Variants in ONECUT2 observed in about 807,000 individuals in gnomAD.
ONECUT2 encodes the protein one cut homeobox 2.
A neutral mutation model predicts 27.9 loss-of-function variants in ONECUT2; 10 were observed. The ratio of observed to expected loss-of-function variants is 0.36; its 90% CI spans 0.22 to 0.61. The LOEUF (loss-of-function observed/expected upper bound fraction) is 0.61. ONECUT2 is among the 20% of genes least tolerant of loss of function. The pLI, the probability that ONECUT2 is intolerant of heterozygous loss-of-function variation, is 0.73. For synonymous variants in ONECUT2, 334 were observed against 315.1 expected (o/e 1.06, Z -0.64); for missense variants, 686 against 721.0 (o/e 0.95, Z 0.56).
chr18:57,467,183 C>G, intron 1 of ONECUT2: 1 of 456,524 alleles, frequency 2.2e-6, no homozygotes, highest in Non-Finnish European at 4.4e-6. Flanking sequence ...AGCTTGGGAA[C>G]ACAGAATGGT....
intron 1 of ONECUT2, among the ~76,000 whole-genome samples, chr18:57,460,972 C>T (rs2050288038): frequency 6.6e-6 from 1 of 152,220 alleles, no homozygotes; most frequent in Admixed American, 6.5e-5. Context: ...CGTGAGCCAC[C>T]ACGCCTGGAC....
intron 1 of ONECUT2, among the ~76,000 whole-genome samples, chr18:57,451,818 G>A (rs2050231906): frequency 6.6e-6 from 1 of 152,272 alleles, no homozygotes; most frequent in Admixed American, 6.5e-5. Context: ...AAAGCAAGAG[G>A]TGAAAGCAAG....
At position 57,436,513 on chromosome 18, in the gene ONECUT2, A is replaced by G. The variant is rs745904876; in HGVS notation, c.797A>G (p.His266Arg). ...KMLSPNFDAH[H>R]TAMLTRGEQH... Reference sequence around the variant, plus strand: ...CTCAGCCCCAACTTCGACGCGCACCACACTGCCATGCTGACCCGCGGTGAG... The same window carrying G: ...CTCAGCCCCAACTTCGACGCGCACCGCACTGCCATGCTGACCCGCGGTGAG... Residue 266 changes from histidine (H) to arginine (R), a missense_variant, in exon 1 of 2, where the codon CAC (histidine) becomes CGC (arginine). Around this residue, in one of 4 missense-constraint regions of ONECUT2, gnomAD observed 511 missense variants for 488.1 expected, o/e 1.05. Coordinates refer to ENST00000491143, the MANE Select transcript of ONECUT2 (RefSeq NM_004852.3). This position sits in a 1 kb window ranked among gnomAD's most constrained non-coding sequence, Gnocchi z 5.9. 6.2e-7 allele frequency: 1 copy of G among 1,613,056 alleles called. No individual in the cohort carries two copies. Among genetic ancestry groups the G allele is most frequent in the Non-Finnish European group, 8.5e-7 (1 of 1,179,904 alleles).
At position 57,476,853 on chromosome 18, in the gene ONECUT2, T is replaced by G. The variant is rs1272365686; in HGVS notation, c.*130T>G. On this transcript the variant is annotated 3_prime_UTR_variant, in exon 2 of 2. Transcript: ENST00000491143. ...TGGTGATTTGAAAGCACAATTCTCT[T>G]GCAAAGAAACTTATATTCTAGCTGT... 9 of 1,045,982 alleles carry G rather than the reference T, an allele frequency of 8.6e-6. No homozygotes were observed. Among genetic ancestry groups the G allele is most frequent in the Admixed American group, 2.8e-5 (1 of 35,420 alleles). 64.8% of individuals were successfully genotyped at this position (1,045,982 alleles called of 1,614,324 possible). A position where few individuals can be genotyped will look rare whatever the true frequency, so the allele number is the denominator to read the frequency against.
chr18:57,444,003 G>C (rs1481817780), intron 1 of ONECUT2, among the ~76,000 whole-genome samples: 1 of 152,136 alleles, frequency 6.6e-6, no homozygotes. Flanking sequence ...TCTCCTGCAA[G>C]AAGAAAAATA....
At chr18:57,475,421 C>A (rs1011266286) in intron 1 of ONECUT2, among the ~76,000 whole-genome samples, 12 of 152,122 alleles carry the variant, frequency 7.9e-5, no homozygotes, top group Admixed American at 6.5e-5. Context: ...TGTATTTAAC[C>A]TTTACAGGTC....
At chr18:57,443,577 A>G (rs926126928) in intron 1 of ONECUT2, among the ~76,000 whole-genome samples, 3 of 152,260 alleles carry the variant, frequency 2.0e-5, no homozygotes, top group South Asian at 4.1e-4. Flanking sequence ...TTTGGGGGAA[A>G]GGCTTTTTGA....
rs372684829 is a variant in ONECUT2, at chr18:57,442,146, G to A, written c.1228+5202G>A. 2.7e-3 allele frequency among the ~76,000 whole-genome samples: 414 copies of A among 152,110 alleles called. 5 individuals are homozygous for A. Among genetic ancestry groups the A allele is most frequent in the African/African-American group, 9.2e-3 (383 of 41,460 alleles). On this transcript the variant is annotated intron_variant, in intron 1 of 1. Coordinates refer to ENST00000491143, the MANE Select transcript of ONECUT2 (RefSeq NM_004852.3). ...CAACCACTCCCCTGGCCAAATGGTG[G>A]CTTGTTTTTCCAGAAGGAGCACTAA... is the stretch of plus-strand genomic sequence containing the variant.
chr18:57,474,019 G>A (rs2050368332), intron 1 of ONECUT2, among the ~76,000 whole-genome samples: 1 of 152,168 alleles, frequency 6.6e-6, no homozygotes, highest in Non-Finnish European at 1.5e-5. Flanking sequence ...AAAGCCAAAA[G>A]GCCCCAAAAG....
chr18:57,444,609 C>G (rs1170723694), intron 1 of ONECUT2, among the ~76,000 whole-genome samples: 3 of 152,250 alleles, frequency 2.0e-5, no homozygotes, highest in Non-Finnish European at 4.4e-5. Flanking sequence ...GCTAGGGAAT[C>G]TGTTGTAAAC....
intron 1 of ONECUT2, among the ~76,000 whole-genome samples, chr18:57,472,509 T>A (rs1259034484): frequency 6.6e-6 from 1 of 152,216 alleles, no homozygotes; most frequent in South Asian, 2.1e-4. Flanking sequence ...ATGGACATAC[T>A]GCCTCATTAT....
chr18:57,447,685 C>T (rs1300932468), intron 1 of ONECUT2, among the ~76,000 whole-genome samples: 2 of 152,160 alleles, frequency 1.3e-5, no homozygotes, highest in Non-Finnish European at 2.9e-5. Flanking sequence ...TGCCCCCACG[C>T]CCCACCCCCC....
rs977911404 is a variant in ONECUT2, at chr18:57,485,954, A to G, written c.*9231A>G. The G allele has an allele frequency of 6.6e-6, 1 of 152,382 alleles. No individual in the cohort carries two copies. Among genetic ancestry groups the G allele is most frequent in the Non-Finnish European group, 1.5e-5 (1 of 68,032 alleles). The allele number at this position is 152,382 out of a possible 1,614,324, so 9.4% of individuals were successfully genotyped here. ...GCTTTGGTTTTCTTCCTAAATTCCT[A>G]TTGGAATTAGAACTCTCAGAATCCC... is the stretch of plus-strand genomic sequence containing the variant. On this transcript the variant is annotated 3_prime_UTR_variant, in exon 2 of 2. Transcript: ENST00000491143.
At position 57,435,539 on chromosome 18, in the gene ONECUT2, CCCCGCCCCCACCCCGGGCGAG is replaced by C. The variant is rs1222664764; in HGVS notation, c.-170_-150del. The C allele has an allele frequency of 2.0e-5, 3 of 148,130 alleles. No individual in the cohort carries two copies. Among genetic ancestry groups the C allele is most frequent in the African/African-American group, 7.6e-5 (3 of 39,614 alleles). The allele number at this position is 148,130 out of a possible 1,614,324, so 9.2% of individuals were successfully genotyped here. On this transcript the variant is annotated 5_prime_UTR_variant, in exon 1 of 2. Coordinates refer to ENST00000491143, the MANE Select transcript of ONECUT2 (RefSeq NM_004852.3). ...CGCACGCACGCCCCGTCCGCCCCCACCCCGCCCCCACCCCGGGCGAGCCCGCCCGCAGCCCGGGGCGCACAC... is the reference window on the plus strand; with the variant it reads ...CGCACGCACGCCCCGTCCGCCCCCACCCCGCCCGCAGCCCGGGGCGCACAC...
intron 1 of ONECUT2, among the ~76,000 whole-genome samples, chr18:57,475,650 G>T (rs942956751): frequency 6.6e-6 from 1 of 152,170 alleles, no homozygotes; most frequent in Non-Finnish European, 1.5e-5. Flanking sequence ...GTCAGCCCAG[G>T]CATGGATACT....
rs2050136504 is a variant in ONECUT2 at position 57,435,854 on chromosome 18, G to GGGC, written c.144_146dup (p.Gly54dup). 3.0e-6 allele frequency: 3 copies of GGGC among 1,006,214 alleles called. No homozygotes were observed. The highest frequency in any genetic ancestry group is 3.6e-6 in the Non-Finnish European group (3 of 842,792). The allele number at this position is 1,006,214 out of a possible 1,614,324, so 62.3% of individuals were successfully genotyped here. A position where few individuals can be genotyped will look rare whatever the true frequency, so the allele number is the denominator to read the frequency against. On this transcript the variant is annotated inframe_insertion, in exon 1 of 2. Transcript: ENST00000491143. ...GCGGCAGTGGCGGGGGCGGCGGCGG[G>GGGC]GGCGGCGGGGGCGGCGGCGGGGGCC... is the stretch of plus-strand genomic sequence containing the variant.
Position 57,486,565 on chromosome 18 carries a change from T to C in ONECUT2, c.*9842T>C, listed in dbSNP as rs897093961. ...TTTAGAGTAATGTTATTATAGCGTA[T>C]GTAATAAATTATTCACTGTTTCTTT... On this transcript the variant is annotated 3_prime_UTR_variant, in exon 2 of 2. Transcript: ENST00000491143. 2.6e-5 allele frequency: 4 copies of C among 152,572 alleles called. No homozygotes were observed. The highest frequency in any genetic ancestry group is 5.9e-5 in the Non-Finnish European group (4 of 68,038). 9.5% of individuals were successfully genotyped at this position (152,572 alleles called of 1,614,324 possible).
At chr18:57,464,568 C>G (rs551304493) in intron 1 of ONECUT2, among the ~76,000 whole-genome samples, 2 of 152,228 alleles carry the variant, frequency 1.3e-5, no homozygotes, top group African/African-American at 4.8e-5. Flanking sequence ...TGGTGGTAAA[C>G]TATGCAAGAC....
intron 1 of ONECUT2, among the ~76,000 whole-genome samples, chr18:57,459,124 A>G (rs1199119964): frequency 6.6e-6 from 1 of 152,190 alleles, no homozygotes; most frequent in African/African-American, 2.4e-5. Flanking sequence ...TTCTCCAGTT[A>G]AAAGGCATAA....
Sources: gnomAD v4.1 joint callset for allele counts (sites outside exome capture counted in the v4.1 genomes callset) on GRCh38, gnomAD v4.1.1 for gene constraint, gnomAD v4.1.1 regional missense constraint, Gnocchi (gnomAD v3.1) non-coding constraint, MANE v1.5 for transcripts, NCBI Gene and HGNC (gene_info 2026-07-23, HGNC 2026-07-21) for gene names.